THSD7B: variants seen among roughly 807,000 people sequenced by gnomAD.
THSD7B encodes thrombospondin type 1 domain containing 7B.
In THSD7B, 138 loss-of-function variants were observed where a neutral mutation model predicts 213.6. The observed-to-expected ratio is 0.65, with a 90% CI of 0.56 to 0.74. The LOEUF is 0.74. THSD7B is among the 30% of genes least tolerant of loss of function. THSD7B has a pLI of 0.00. For synonymous variants in THSD7B, 742 were observed against 687.0 expected, an observed-to-expected ratio of 1.08 and a Z score of -1.25; for missense variants, 1,931 against 1,991.5, an observed-to-expected ratio of 0.97 and a Z score of 0.58.
At chr2:137,429,192 A>G (rs930772594) in intron 14 of THSD7B, among the ~76,000 whole-genome samples, 1 of 152,196 alleles carries the variant, frequency 6.6e-6, no homozygotes, top group African/African-American at 2.4e-5. Context: ...GCCAATGGAT[A>G]TAGGGTCTCT....
At chr2:136,800,528 C>T (rs1682157694) in intron 1 of THSD7B, among the ~76,000 whole-genome samples, 1 of 151,906 alleles carries the variant, frequency 6.6e-6, no homozygotes, top group Non-Finnish European at 1.5e-5. Flanking sequence ...AAACGGGCAA[C>T]CAATAGAGAA....
intron 12 of THSD7B, among the ~76,000 whole-genome samples, chr2:137,315,555 T>A (rs1358633249): frequency 6.6e-6 from 1 of 152,178 alleles, no homozygotes; most frequent in African/African-American, 2.4e-5. Flanking sequence ...TATATAATTT[T>A]AAAACGTTTT....
intron 7 of THSD7B, among the ~76,000 whole-genome samples, chr2:137,198,958 G>A (rs1402708462): frequency 3.9e-5 from 6 of 152,158 alleles, no homozygotes; most frequent in Non-Finnish European, 7.3e-5. Context: ...AGATTTGTAT[G>A]TCCAGGACTT....
At chr2:137,027,341 C>T (rs1686574443) in intron 2 of THSD7B, among the ~76,000 whole-genome samples, 1 of 152,098 alleles carries the variant, frequency 6.6e-6, no homozygotes, top group Non-Finnish European at 1.5e-5. Context: ...CAAAAATCTT[C>T]CATATGGCAG....
rs536435222 is a variant in THSD7B at position 136,825,239 on chromosome 2, C to T, written c.-35-56905C>T. 7.9e-5 allele frequency among the ~76,000 whole-genome samples: 12 copies of T among 152,262 alleles called. No homozygotes were observed. The East Asian group carries it at 2.3e-3, about 29-fold the overall frequency. On this transcript the variant is annotated intron_variant, in intron 1 of 27. Transcript: ENST00000409968. ...CTTTTACTGCTGCTTTAACAAATTA[C>T]CACACATTTAATGGTAATTTAATGG... is the stretch of plus-strand genomic sequence containing the variant.
chr2:137,296,414 C>T (rs1455509738), intron 12 of THSD7B, among the ~76,000 whole-genome samples: 1 of 151,986 alleles, frequency 6.6e-6, no homozygotes, highest in Non-Finnish European at 1.5e-5. Flanking sequence ...TAGAGGAATC[C>T]TACATCTAAG....
At chr2:136,786,832 T>C (rs1681860903) in intron 1 of THSD7B, among the ~76,000 whole-genome samples, 1 of 152,228 alleles carries the variant, frequency 6.6e-6, no homozygotes, top group Admixed American at 6.5e-5. Flanking sequence ...GTCATTCACC[T>C]AATAATTTTA....
chr2:137,310,348 GTTGT>G (rs935165931), intron 12 of THSD7B, among the ~76,000 whole-genome samples: 1 of 144,672 alleles, frequency 6.9e-6, no homozygotes, highest in South Asian at 2.4e-4. Flanking sequence ...TTTTGATGGG[GTTGT>G]TTGTTTTTTT....
chr2:137,526,395 G>A (rs933957840), intron 15 of THSD7B, among the ~76,000 whole-genome samples: 2 of 151,160 alleles, frequency 1.3e-5, no homozygotes, highest in African/African-American at 2.5e-5. Flanking sequence ...TTTAAGTTTA[G>A]GGTTTGTTGT....
intron 1 of THSD7B, among the ~76,000 whole-genome samples, chr2:136,865,941 G>C (rs1283798541): frequency 6.6e-6 from 1 of 152,192 alleles, no homozygotes; most frequent in Non-Finnish European, 1.5e-5. Context: ...TTAAGGTGCA[G>C]CTGTGGCCAC....
intron 15 of THSD7B, among the ~76,000 whole-genome samples, chr2:137,514,202 G>C (rs150192422): frequency 2.0e-4 from 30 of 152,278 alleles, no homozygotes; most frequent in East Asian, 5.8e-4. Context: ...TACTGTTCCT[G>C]GGTGTATCTG....
At chr2:137,263,119 AGT>A (rs1010778892) in intron 10 of THSD7B, among the ~76,000 whole-genome samples, 10 of 152,072 alleles carry the variant, frequency 6.6e-5, no homozygotes, top group Admixed American at 5.2e-4. Context: ...TGGGCTTCTG[AGT>A]GTGTTGCGTC....
At chr2:137,056,301 A>G (rs1246946054) in intron 2 of THSD7B, 119 bp from the exon 3 acceptor site, 4 of 1,024,178 alleles carry the variant, frequency 3.9e-6, no homozygotes, top group Non-Finnish European at 5.5e-6. Flanking sequence ...TCTCTGTTCC[A>G]CCAAAATTCC....
intron 1 of THSD7B, among the ~76,000 whole-genome samples, chr2:136,829,179 T>TA (rs34727528): frequency 0.16 from 23,816 of 148,066 alleles, 1,937 homozygotes; most frequent in Middle Eastern, 0.31. Flanking sequence ...ATCTAATTCT[T>TA]AAAAAAAAAA....
At chr2:137,192,192 C>T (rs1680671589) in intron 7 of THSD7B, among the ~76,000 whole-genome samples, 2 of 152,062 alleles carry the variant, frequency 1.3e-5, no homozygotes, top group Admixed American at 6.5e-5. Flanking sequence ...CCAGCTTAAT[C>T]GTGGGTATAC....
chr2:137,032,029 C>T (rs188479748), intron 2 of THSD7B, among the ~76,000 whole-genome samples: 83 of 151,872 alleles, frequency 5.5e-4, no homozygotes, highest in Middle Eastern at 3.4e-3. Flanking sequence ...TTTGTGGTGA[C>T]GAGATTTCGC....
chr2:137,089,085 T>A (rs919901547), intron 3 of THSD7B, among the ~76,000 whole-genome samples: 1 of 152,046 alleles, frequency 6.6e-6, no homozygotes, highest in Non-Finnish European at 1.5e-5. Context: ...GAACTAAAAG[T>A]AGAACTATGA....
chr2:137,504,189 C>T (rs1454077818), intron 15 of THSD7B, among the ~76,000 whole-genome samples: 1 of 152,096 alleles, frequency 6.6e-6, no homozygotes, highest in Non-Finnish European at 1.5e-5. Flanking sequence ...ATACCTCTGA[C>T]TCCATGGGTG....
intron 14 of THSD7B, among the ~76,000 whole-genome samples, chr2:137,428,044 G>C (rs773374430): frequency 6.6e-6 from 1 of 151,978 alleles, no homozygotes; most frequent in Non-Finnish European, 1.5e-5. Context: ...TTATTTGCAC[G>C]TCATATATCT....
Sources: allele counts gnomAD v4.1 joint callset (sites outside exome capture counted in the v4.1 genomes callset), GRCh38; gene constraint gnomAD v4.1.1; transcripts MANE v1.5; gene names NCBI Gene and HGNC (gene_info 2026-07-23, HGNC 2026-07-21).